The following NECAB3 variants were observed in gnomAD, a reference collection of about 807,000 sequenced individuals.
NECAB3 encodes N-terminal EF-hand calcium-binding protein 3.
Under a neutral mutation model 57.2 loss-of-function variants are expected in NECAB3, and 38 were observed. The observed-to-expected ratio is 0.66, with a 90% CI of 0.51 to 0.87. NECAB3 has a LOEUF of 0.87. NECAB3 is among the 40% of genes least tolerant of loss of function. The pLI is 0.00. For synonymous variants in NECAB3, 223 were observed against 222.6 expected, an observed-to-expected ratio of 1.00 and a Z score of -0.02; for missense variants, 474 against 527.5, an observed-to-expected ratio of 0.90 and a Z score of 0.99.
At chr20:33,664,658 G>A (rs1471366543) in intron 5 of NECAB3, 2 of 152,296 alleles carry the variant, frequency 1.3e-5, no homozygotes, top group African/African-American at 4.8e-5. Context: ...TCACTTAGAA[G>A]AAGCCCTGCC....
chr20:33,662,722 T>C (rs919341706), intron 5 of NECAB3: 2 of 458,306 alleles, frequency 4.4e-6, no homozygotes, highest in Non-Finnish European at 7.9e-6. Context: ...GGTGGATAAC[T>C]TCAGCCCAGG....
intron 5 of NECAB3, chr20:33,663,857 C>T: frequency 3.6e-6 from 5 of 1,401,584 alleles, no homozygotes; most frequent in Admixed American, 3.6e-5. Flanking sequence ...TGCCCTCGCC[C>T]GCAGCTTTAA....
Position 33,659,940 on chromosome 20 carries a change from T to C in NECAB3, c.588A>G (p.Arg196=). The change falls in exon 7 of 12, where the codon CGA becomes CGG. Residue 196 remains arginine (R), a synonymous_variant. Coordinates refer to ENST00000246190, the MANE Select transcript of NECAB3 (RefSeq NM_031232.4). ...ATGACCGGCTGACACTCCTCAGGGC[T>C]CGGCGTCCTGCCCGCCGGCTGCCGC... The part of the protein sequence containing the change: ...RLCGSRRAGR[R]ALRSVSRSST... 1 of 1,552,320 alleles carries C rather than the reference T, an allele frequency of 6.4e-7. No homozygotes were observed. Among genetic ancestry groups the C allele is most frequent in the Non-Finnish European group, 8.7e-7 (1 of 1,150,430 alleles).
At chr20:33,659,384 G>A (rs1401111048) in intron 8 of NECAB3, 113 bp downstream of exon 8, 2 of 900,094 alleles carry the variant, frequency 2.2e-6, no homozygotes, top group Non-Finnish European at 3.2e-6. Context: ...AGGCCTGGGG[G>A]CGGGGCACAT....
At chr20:33,668,249 G>C (rs73261831) in intron 5 of NECAB3, 4 of 1,526,336 alleles carry the variant, frequency 2.6e-6, no homozygotes, top group South Asian at 2.5e-5. Context: ...AGGCTGGACT[G>C]GGGGGGGTGG....
At position 33,659,923 on chromosome 20, in the gene NECAB3, C is replaced by A. The variant is rs1289737728; in HGVS notation, c.605G>T (p.Ser202Ile). ...RAGRRALRSV[S>I]RSSTWSPGSS... ...GCCGGGGGACCAGGTGGATGACCGGCTGACACTCCTCAGGGCTCGGCGTCC... is the reference window on the plus strand; with the variant it reads ...GCCGGGGGACCAGGTGGATGACCGGATGACACTCCTCAGGGCTCGGCGTCC... Residue 202 changes from serine (S) to isoleucine (I), a missense_variant, in exon 7 of 12, where the codon AGC becomes ATC. Coordinates refer to ENST00000246190, the MANE Select transcript of NECAB3 (RefSeq NM_031232.4). 2 of 1,549,376 alleles carry A rather than the reference C, an allele frequency of 1.3e-6. No individual in the cohort carries two copies. The highest frequency in any genetic ancestry group is 3.9e-5 in the Admixed American group (2 of 51,126).
rs982224651 is a variant in NECAB3 at position 33,663,764 on chromosome 20, G to C, written c.388-3369C>G. On this transcript the variant is annotated intron_variant, in intron 5 of 11. Coordinates refer to ENST00000246190, the MANE Select transcript of NECAB3 (RefSeq NM_031232.4). ...GCCAGGGCAGCTCTGAGCTGGCCGCGGCTGCTCTCGCGCTTCCGGTCCCCG... is the reference window on the plus strand; with the variant it reads ...GCCAGGGCAGCTCTGAGCTGGCCGCCGCTGCTCTCGCGCTTCCGGTCCCCG... 3.4e-6 allele frequency: 5 copies of C among 1,452,688 alleles called. No individual in the cohort carries two copies. The Admixed American group carries it at 1.1e-4, about 31-fold the overall frequency. The allele number at this position is 1,452,688 out of a possible 1,614,324, so 90.0% of individuals were successfully genotyped here.
intron 3 of NECAB3, 51 bp downstream of exon 3, chr20:33,670,633 G>C (rs750915933): frequency 3.0e-6 from 4 of 1,349,260 alleles, no homozygotes; most frequent in Non-Finnish European, 4.2e-6. Context: ...GACACAGTGG[G>C]GTAAAGACAA....
chr20:33,658,011 T>G lies in NECAB3; in HGVS notation c.1093A>C (p.Lys365Gln). 6.4e-7 allele frequency: 1 copy of G among 1,553,050 alleles called. No homozygotes were observed. The highest frequency in any genetic ancestry group is 1.2e-5 in the South Asian group (1 of 84,116). The part of the protein sequence containing the change: ...WRRHQQSPGS[K>Q]AFQRILIDHL... The stretch of plus-strand genomic sequence containing the variant: ...TCGATGAGGATGCGCTGGAAGGCCT[T>G]GCTGCCAGGCGACTGCTGGTGCCTG... The change falls in exon 11 of 12, where the codon AAG (lysine) becomes CAG (glutamine). Residue 365 changes from lysine to glutamine, a missense_variant. Transcript: ENST00000246190.
At chr20:33,661,358 C>T (rs1440021403) in intron 5 of NECAB3, among the ~76,000 whole-genome samples, 2 of 152,328 alleles carry the variant, frequency 1.3e-5, no homozygotes, top group African/African-American at 4.8e-5. Context: ...TGCCTGCCCT[C>T]TCCGAGGAGA....
At chr20:33,662,520 G>A (rs905437456) in intron 5 of NECAB3, 6 of 1,540,006 alleles carry the variant, frequency 3.9e-6, no homozygotes. Flanking sequence ...CTGGGGGGCA[G>A]AGAAAGCTGG....
chr20:33,669,806 G>A, intron 3 of NECAB3, 94 bp from the exon 4 acceptor site: 1 of 1,392,686 alleles, frequency 7.2e-7, no homozygotes, highest in Non-Finnish European at 9.7e-7. Context: ...CCAACTCCCA[G>A]CTTAGCCTAA....
Position 33,663,228 on chromosome 20 carries a change from G to A in NECAB3, c.388-2833C>T, listed in dbSNP as rs184977418. 57 of 464,626 alleles carry A rather than the reference G, an allele frequency of 1.2e-4. No homozygotes were observed. The East Asian group carries it at 1.6e-3, about 13-fold the overall frequency. 28.8% of individuals were successfully genotyped at this position (464,626 alleles called of 1,614,324 possible). A position where few individuals can be genotyped will look rare whatever the true frequency, so the allele number is the denominator to read the frequency against. ...GGGGTGGGAGGTGCTGAAAGCCCCT[G>A]ACATAGGGCCTGGAAGGGATCTCAT... On this transcript the variant is annotated intron_variant, in intron 5 of 11. Coordinates refer to ENST00000246190, the MANE Select transcript of NECAB3 (RefSeq NM_031232.4).
intron 5 of NECAB3, chr20:33,667,631 T>A: frequency 1.9e-6 from 3 of 1,604,834 alleles, no homozygotes; most frequent in Non-Finnish European, 8.5e-7. Context: ...ACCTTCCGAC[T>A]GAACGTGGCA....
chr20:33,663,984 A>C lies in NECAB3; in HGVS notation c.388-3589T>G, dbSNP rs911937143. 3 of 908,892 alleles carry C rather than the reference A, an allele frequency of 3.3e-6. No individual in the cohort carries two copies. The African/African-American group carries it at 5.3e-5, about 16-fold the overall frequency. 56.3% of individuals were successfully genotyped at this position (908,892 alleles called of 1,614,324 possible). A position where few individuals can be genotyped will look rare whatever the true frequency, so the allele number is the denominator to read the frequency against. Reference sequence around the variant, plus strand: ...GGGCAAAGCTCAGCCTAGGAGCCGCAGAGGGGTGAACGGGGCGTGATGAAG... The same window carrying C: ...GGGCAAAGCTCAGCCTAGGAGCCGCCGAGGGGTGAACGGGGCGTGATGAAG... On this transcript the variant is annotated intron_variant, in intron 5 of 11. Coordinates refer to ENST00000246190, the MANE Select transcript of NECAB3 (RefSeq NM_031232.4).
intron 5 of NECAB3, 86 bp downstream of exon 5, chr20:33,669,289 C>G: frequency 7.0e-7 from 1 of 1,424,868 alleles, no homozygotes; most frequent in East Asian, 2.3e-5. Flanking sequence ...CTCTATAACC[C>G]TGAGTCAAGA....
chr20:33,663,850 C>T, intron 5 of NECAB3: 1 of 1,404,516 alleles, frequency 7.1e-7, no homozygotes, highest in East Asian at 3.0e-5. Context: ...GTGCCGCTGC[C>T]CTCGCCCGCA....
intron 5 of NECAB3, chr20:33,662,798 TGTG>T (rs971177670): frequency 7.2e-6 from 2 of 278,902 alleles, no homozygotes; most frequent in African/African-American, 4.5e-5. Flanking sequence ...CTTAGCTGGT[TGTG>T]GTGGTGAATG....
intron 5 of NECAB3, chr20:33,667,414 A>G: frequency 7.1e-7 from 1 of 1,405,656 alleles, no homozygotes; most frequent in Non-Finnish European, 9.2e-7. Context: ...CGTGCTGGTG[A>G]GCGACTCGCC....
Sources: gnomAD v4.1 joint callset for allele counts (sites outside exome capture counted in the v4.1 genomes callset) on GRCh38, gnomAD v4.1.1 for gene constraint, MANE v1.5 for transcripts, NCBI Gene and HGNC (gene_info 2026-07-23, HGNC 2026-07-21) for gene names.